ROBO2: variants seen among roughly 807,000 people sequenced by gnomAD.
ROBO2 encodes roundabout guidance receptor 2.
In ROBO2, 53 loss-of-function variants were observed where a neutral mutation model predicts 160.8. The ratio of observed to expected loss-of-function variants is 0.33; its 90% CI spans 0.26 to 0.41. The LOEUF is 0.41. ROBO2 is among the 10% of genes least tolerant of loss of function. The probability of loss-of-function intolerance (pLI) is 1.00; values close to 1 mark genes in which losing one functional copy is unlikely to be tolerated. For synonymous variants in ROBO2, 664 were observed against 611.7 expected, an observed-to-expected ratio of 1.09 and a Z score of -1.26; for missense variants, 1,577 against 1,722.4, an observed-to-expected ratio of 0.92 and a Z score of 1.49.
chr3:76,063,909 A>G (rs1370047390), intron 2 of ROBO2, among the ~76,000 whole-genome samples: 1 of 152,192 alleles, frequency 6.6e-6, no homozygotes, highest in East Asian at 1.9e-4. Flanking sequence ...CCTCCTTTAT[A>G]GCAGACTGGA....
chr3:77,616,548 G>A (rs998356185), intron 21 of ROBO2, among the ~76,000 whole-genome samples: 4 of 152,158 alleles, frequency 2.6e-5, no homozygotes, highest in Admixed American at 2.6e-4. Flanking sequence ...AAAGTGATGT[G>A]TGATTGTGGG....
intron 2 of ROBO2, among the ~76,000 whole-genome samples, chr3:76,669,672 G>A (rs1297163919): frequency 6.6e-6 from 1 of 152,128 alleles, no homozygotes; most frequent in Admixed American, 6.6e-5. Flanking sequence ...AACCGGGGAC[G>A]GGGACCATAG....
intron 1 of ROBO2, among the ~76,000 whole-genome samples, chr3:75,910,020 C>A (rs542213457): frequency 7.0e-4 from 107 of 152,274 alleles, no homozygotes; most frequent in African/African-American, 2.3e-3. Context: ...TGTTGGAGAA[C>A]TGAGACCACA....
chr3:76,851,464 G>C (rs569324452), intron 2 of ROBO2, among the ~76,000 whole-genome samples: 33 of 152,092 alleles, frequency 2.2e-4, no homozygotes, highest in African/African-American at 7.0e-4. Flanking sequence ...GGCCGGGCGC[G>C]GTGGCTCACG....
chr3:76,305,410 A>G (rs1266765105), intron 2 of ROBO2, among the ~76,000 whole-genome samples: 2 of 148,570 alleles, frequency 1.3e-5, no homozygotes, highest in Non-Finnish European at 3.0e-5. Context: ...AAAAAAAAAA[A>G]AAAAAAAAAA....
intron 2 of ROBO2, among the ~76,000 whole-genome samples, chr3:76,014,985 G>A (rs2066364533): frequency 6.6e-6 from 1 of 151,954 alleles, no homozygotes; most frequent in Non-Finnish European, 1.5e-5. Context: ...CAAAAAGTAG[G>A]CCCTCAATAA....
intron 2 of ROBO2, among the ~76,000 whole-genome samples, chr3:77,006,148 T>C (rs2061565314): frequency 6.6e-6 from 1 of 152,154 alleles, no homozygotes; most frequent in Non-Finnish European, 1.5e-5. Context: ...ACAAGTAGTC[T>C]TTCCTGCCTG....
chr3:76,773,348 T>C (rs1213653124), intron 2 of ROBO2, among the ~76,000 whole-genome samples: 1 of 150,958 alleles, frequency 6.6e-6, no homozygotes, highest in Middle Eastern at 3.2e-3. Context: ...TGAAAACTTC[T>C]AAGAGTGGTC....
intron 2 of ROBO2, among the ~76,000 whole-genome samples, chr3:76,079,094 A>G (rs887740791): frequency 1.3e-5 from 2 of 152,168 alleles, no homozygotes; most frequent in Non-Finnish European, 2.9e-5. Flanking sequence ...TGTGGGAGCT[A>G]AAAAAATTGA....
At chr3:76,879,721 A>G (rs2073148791) in intron 2 of ROBO2, among the ~76,000 whole-genome samples, 1 of 152,114 alleles carries the variant, frequency 6.6e-6, no homozygotes, top group East Asian at 1.9e-4. Flanking sequence ...AATGAAACTA[A>G]TATATATTGT....
At chr3:76,376,182 C>T (rs1286466443) in intron 2 of ROBO2, among the ~76,000 whole-genome samples, 2 of 151,972 alleles carry the variant, frequency 1.3e-5, no homozygotes, top group Admixed American at 6.6e-5. Flanking sequence ...CTTAATGAGC[C>T]TACTTTATTG....
At chr3:76,141,141 CTCTCTCTCTCTCTCTCTCTATATATA>C (rs1384247766) in intron 2 of ROBO2, among the ~76,000 whole-genome samples, 33 of 61,234 alleles carry the variant, frequency 5.4e-4, no homozygotes, top group African/African-American at 2.3e-3. Context: ...CTCTCTCTCT[CTCTCTCTCTCTCTCTCTCTATATATA>C]TATATATATA....
chr3:77,523,864 C>T lies in ROBO2; in HGVS notation c.934+962C>T, dbSNP rs1007935306. On this transcript the variant is annotated intron_variant, in intron 6 of 25. Coordinates refer to ENST00000461745, the Ensembl canonical transcript of ROBO2. The stretch of plus-strand genomic sequence containing the variant: ...CATCCAAGTCTCAGTTACATCTTAC[C>T]CCATTTAGTCATACCTCTGACCCTT... Among the ~76,000 whole-genome samples, 3 of 151,324 alleles carry T rather than the reference C, an allele frequency of 2.0e-5. No individual in the cohort carries two copies. In the East Asian group the frequency reaches 5.9e-4, roughly 30 times the overall value.
intron 1 of ROBO2, among the ~76,000 whole-genome samples, chr3:77,084,845 G>A (rs1373159884): frequency 1.3e-5 from 2 of 152,210 alleles, no homozygotes; most frequent in East Asian, 3.9e-4. Context: ...ACTCACATTT[G>A]CTGCTCTTCT....
intron 2 of ROBO2, among the ~76,000 whole-genome samples, chr3:77,027,160 T>A (rs2063019345): frequency 6.6e-6 from 1 of 152,234 alleles, no homozygotes; most frequent in Non-Finnish European, 1.5e-5. Context: ...GTTGAAGCAC[T>A]ATTATTTTGA....
At chr3:76,891,224 A>C (rs2074322419) in intron 2 of ROBO2, among the ~76,000 whole-genome samples, 1 of 152,148 alleles carries the variant, frequency 6.6e-6, no homozygotes, top group African/African-American at 2.4e-5. Context: ...AAATATGCTC[A>C]GAATTTAGAT....
Position 76,626,957 on chromosome 3 carries a change from T to A in ROBO2, c.110-471057T>A, listed in dbSNP as rs2089688439. On this transcript the variant is annotated intron_variant, in intron 2 of 26. Coordinates refer to the ROBO2 transcript ENST00000487694. ...CGCCCGCCTCGGCCTCCCAAAGTGC[T>A]GGGATTACAGGCGTGAGCCACCATG... 2.0e-5 allele frequency among the ~76,000 whole-genome samples: 3 copies of A among 152,300 alleles called. No individual in the cohort carries two copies. The South Asian group carries it at 6.2e-4, about 32-fold the overall frequency.
intron 2 of ROBO2, among the ~76,000 whole-genome samples, chr3:77,328,739 T>TA (rs969445910): frequency 6.6e-6 from 1 of 151,970 alleles, no homozygotes; most frequent in Non-Finnish European, 1.5e-5. Flanking sequence ...AAAATAAAAA[T>TA]AAAAAAAGGA....
chr3:77,120,240 A>G (rs1370484699), intron 2 of ROBO2, among the ~76,000 whole-genome samples: 1 of 152,178 alleles, frequency 6.6e-6, no homozygotes, highest in Non-Finnish European at 1.5e-5. Flanking sequence ...CCTACGGGCA[A>G]GGTAGTTTGG....
Sources: gnomAD v4.1 joint callset for allele counts (sites outside exome capture counted in the v4.1 genomes callset) on GRCh38, gnomAD v4.1.1 for gene constraint, MANE v1.5 for transcripts, NCBI Gene and HGNC (gene_info 2026-07-23, HGNC 2026-07-21) for gene names.